FMO4: variants seen among roughly 807,000 people sequenced by gnomAD.
The protein encoded by FMO4 is flavin containing dimethylaniline monoxygenase 4.
In FMO4, 38 loss-of-function variants were observed where a neutral mutation model predicts 43.3. The ratio of observed to expected loss-of-function variants is 0.88; its 90% CI spans 0.68 to 1.15. The LOEUF is 1.15. Ranked by LOEUF, FMO4 falls within the 50% of genes most tolerant of loss-of-function variation. The pLI, the probability that FMO4 is intolerant of heterozygous loss-of-function variation, is 0.00. For synonymous variants in FMO4, 224 were observed against 232.2 expected (o/e 0.96, Z 0.32); for missense variants, 631 against 663.3 (o/e 0.95, Z 0.54).
chr1:171,334,100 G>T (rs947171102), intron 7 of FMO4, among the ~76,000 whole-genome samples: 6 of 152,146 alleles, frequency 3.9e-5, no homozygotes, highest in African/African-American at 1.4e-4. Context: ...TCATCAAATG[G>T]ATTGTTGTAC....
rs369627919 is a variant in FMO4 at position 171,334,631 on chromosome 1, T to C, written c.1048T>C (p.Phe350Leu). 34 of 1,613,392 alleles carry C rather than the reference T, an allele frequency of 2.1e-5. No individual in the cohort carries two copies. The Admixed American group carries it at 3.5e-4, about 17-fold the overall frequency. Reference sequence around the variant, plus strand: ...TAAAAGCCTCTGTACAAAGAAGATATTTCTATACAAGCAAGTCTTTCCCTT... The same window carrying C: ...TAAAAGCCTCTGTACAAAGAAGATACTTCTATACAAGCAAGTCTTTCCCTT... ...PLKSLCTKKI[F>L]LYKQVFPLNL... The change falls in exon 8 of 10, where the codon TTT (phenylalanine) becomes CTT (leucine). Residue 350 changes from phenylalanine (F) to leucine (L), a missense_variant. Phe to Leu is a conservative substitution (Grantham distance 22). Coordinates refer to ENST00000367749, the MANE Select transcript of FMO4 (RefSeq NM_002022.3).
At chr1:171,323,387 G>C (rs1406858082) in intron 4 of FMO4, among the ~76,000 whole-genome samples, 195 bp downstream of exon 4, 1 of 152,176 alleles carries the variant, frequency 6.6e-6, no homozygotes, top group African/African-American at 2.4e-5. Flanking sequence ...ATTGGGGACG[G>C]GTGCAGTGGC....
chr1:171,334,316 T>C lies in FMO4; in HGVS notation c.828-95T>C, dbSNP rs191214513. 186 of 709,830 alleles carry C rather than the reference T, an allele frequency of 2.6e-4. 2 individuals carry two copies. In the East Asian group the frequency reaches 4.9e-3, roughly 19 times the overall value. The allele number at this position is 709,830 out of a possible 1,614,324, so 44.0% of individuals were successfully genotyped here. Reference sequence around the variant, plus strand: ...CATTGGTTAATTCTCTTCCTTAGCTTGGCAGGTAATTTCCCTGAATTGGCT... The same window carrying C: ...CATTGGTTAATTCTCTTCCTTAGCTCGGCAGGTAATTTCCCTGAATTGGCT... On this transcript the variant is annotated intron_variant, in intron 7 of 9. Coordinates refer to ENST00000367749, the MANE Select transcript of FMO4 (RefSeq NM_002022.3).
At position 171,323,204 on chromosome 1, in the gene FMO4, T is replaced by G. The variant is rs182374132; in HGVS notation, c.321+12T>G. On this transcript the variant is annotated intron_variant, in intron 4 of 9. Transcript: ENST00000367749. The stretch of plus-strand genomic sequence containing the variant: ...ACATTCAGTTTAAGGTAAGATACTT[T>G]GGGTTATGGAAGATGAATAGATGGG... 1.5e-5 allele frequency: 24 copies of G among 1,594,742 alleles called. No individual in the cohort carries two copies. The highest frequency in any genetic ancestry group is 1.9e-5 in the Non-Finnish European group (22 of 1,165,440).
At chr1:171,329,943 C>G (rs1316194218) in intron 5 of FMO4, among the ~76,000 whole-genome samples, 1 of 152,182 alleles carries the variant, frequency 6.6e-6, no homozygotes, top group Non-Finnish European at 1.5e-5. Context: ...CAATCTACTT[C>G]TTGCCCAGGA....
At chr1:171,320,079 A>G (rs1369880414) in intron 3 of FMO4, 122 bp downstream of exon 3, 1 of 1,021,776 alleles carries the variant, frequency 9.8e-7, no homozygotes, top group Non-Finnish European at 1.5e-6. Context: ...GGCACAAACA[A>G]GTGCATAATG....
rs369627919 is a variant in FMO4 at position 171,334,631 on chromosome 1, T to A, written c.1048T>A (p.Phe350Ile). 6.2e-7 allele frequency: 1 copy of A among 1,613,392 alleles called. No homozygotes were observed. The highest frequency in any genetic ancestry group is 8.5e-7 in the Non-Finnish European group (1 of 1,179,462). The change falls in exon 8 of 10, where the codon TTT (phenylalanine) becomes ATT (isoleucine). Residue 350 changes from phenylalanine to isoleucine, a missense_variant. Transcript: ENST00000367749. ...PLKSLCTKKI[F>I]LYKQVFPLNL... ...TAAAAGCCTCTGTACAAAGAAGATA[T>A]TTCTATACAAGCAAGTCTTTCCCTT...
At chr1:171,332,565 T>A (rs1016727219) in intron 6 of FMO4, 144 bp from the exon 7 acceptor site, 5 of 600,540 alleles carry the variant, frequency 8.3e-6, no homozygotes, top group Non-Finnish European at 1.5e-5. Context: ...GAACAGATAA[T>A]CGTATGTAGA....
At chr1:171,321,426 T>C (rs1662418829) in intron 3 of FMO4, among the ~76,000 whole-genome samples, 1 of 152,232 alleles carries the variant, frequency 6.6e-6, no homozygotes, top group East Asian at 1.9e-4. Flanking sequence ...TGGCATAATA[T>C]TTGCATGTAG....
intron 8 of FMO4, among the ~76,000 whole-genome samples, chr1:171,335,809 A>G (rs1292865547): frequency 1.3e-5 from 2 of 152,064 alleles, no homozygotes; most frequent in East Asian, 3.9e-4. Context: ...AAATCCTACA[A>G]CCCTGCAGTA....
intron 2 of FMO4, among the ~76,000 whole-genome samples, chr1:171,318,037 C>T (rs1225906192): frequency 1.3e-5 from 2 of 152,074 alleles, no homozygotes; most frequent in Non-Finnish European, 1.5e-5. Context: ...GGGACCAGGC[C>T]GGGCACGGTG....
At chr1:171,332,955 A>C (rs4140632) in intron 7 of FMO4, 47 bp downstream of exon 7, 416,952 of 869,400 alleles carry the variant, frequency 0.48, 104,078 homozygotes, top group African/African-American at 0.74. Flanking sequence ...ATCAATATTT[A>C]TCATTACATT....
intron 7 of FMO4, among the ~76,000 whole-genome samples, chr1:171,333,723 G>A (rs986294280): frequency 5.3e-5 from 8 of 152,162 alleles, no homozygotes; most frequent in Admixed American, 3.3e-4. Context: ...TTCAACTTAT[G>A]AGGAAAACTA....
chr1:171,322,426 G>A (rs779735706), intron 3 of FMO4, among the ~76,000 whole-genome samples: 2 of 152,194 alleles, frequency 1.3e-5, no homozygotes, highest in Non-Finnish European at 2.9e-5. Flanking sequence ...GTTAGTCTTG[G>A]AGAGCCCTAT....
At position 171,320,111 on chromosome 1, in the gene FMO4, A is replaced by T. The variant is rs1250184414; in HGVS notation, c.132+154A>T. Among the ~76,000 whole-genome samples the T allele has an allele frequency of 1.3e-5, 2 of 152,234 alleles. 1 individual carries two copies. Among genetic ancestry groups the T allele is most frequent in the East Asian group, 3.8e-4 (2 of 5,196 alleles). ...AATGCAGTGTTAAACATTAGGCAGG[A>T]TGCAGTCTGATTGGTGAGGAATCTT... On this transcript the variant is annotated intron_variant, in intron 3 of 9. Coordinates refer to ENST00000367749, the MANE Select transcript of FMO4 (RefSeq NM_002022.3).
At chr1:171,317,658 A>G (rs1358852933) in intron 2 of FMO4, among the ~76,000 whole-genome samples, 1 of 152,208 alleles carries the variant, frequency 6.6e-6, no homozygotes, top group African/African-American at 2.4e-5. Flanking sequence ...TCCCGCTGAC[A>G]AGCATGAGCA....
chr1:171,330,694 TC>T (rs1329033931), intron 5 of FMO4, among the ~76,000 whole-genome samples: 1 of 152,080 alleles, frequency 6.6e-6, no homozygotes, highest in Non-Finnish European at 1.5e-5. Context: ...TCCCACTGGG[TC>T]CCTCCCATGA....
intron 2 of FMO4, among the ~76,000 whole-genome samples, chr1:171,318,064 C>T (rs1021803955): frequency 6.6e-6 from 1 of 152,048 alleles, no homozygotes. Context: ...GTCTGTAATC[C>T]CAGCACTTTG....
chr1:171,335,738 T>G (rs1663091288), intron 8 of FMO4, among the ~76,000 whole-genome samples: 1 of 152,094 alleles, frequency 6.6e-6, no homozygotes, highest in South Asian at 2.1e-4. Flanking sequence ...AAATGTTATT[T>G]GAATGGGGGG....
Sources: allele counts gnomAD v4.1 joint callset (sites outside exome capture counted in the v4.1 genomes callset), GRCh38; gene constraint gnomAD v4.1.1; transcripts MANE v1.5; gene names NCBI Gene and HGNC (gene_info 2026-07-23, HGNC 2026-07-21).